Variants in LARP1B observed in about 807,000 individuals in gnomAD.
The protein encoded by LARP1B is La ribonucleoprotein 1B.
LARP1B carries 76 observed loss-of-function variants against 114.2 expected under a neutral mutation model. The ratio of observed to expected loss-of-function variants is 0.67; its 90% CI spans 0.55 to 0.81. The LOEUF (loss-of-function observed/expected upper bound fraction) is 0.81, where lower values mean the gene tolerates loss of function less well. LARP1B is among the 30% of genes least tolerant of loss of function. The pLI is 0.00. For missense variants in LARP1B, 1,014 were observed against 1,075.8 expected (o/e 0.94, Z 0.80); for synonymous variants, 345 against 348.0 (o/e 0.99, Z 0.10).
At chr4:128,196,878 A>C (rs1754336668) in intron 15 of LARP1B, among the ~76,000 whole-genome samples, 2 of 152,214 alleles carry the variant, frequency 1.3e-5, no homozygotes, top group Non-Finnish European at 2.9e-5. Context: ...AAGGAATGAA[A>C]TTTTGATTTA....
intron 17 of LARP1B, among the ~76,000 whole-genome samples, chr4:128,205,209 CA>C (rs1413048313): frequency 2.0e-5 from 3 of 152,204 alleles, no homozygotes; most frequent in Non-Finnish European, 4.4e-5. Flanking sequence ...AAGCTGGTTG[CA>C]AAAGAGACAC....
At chr4:128,155,210 G>C (rs964807370) in intron 11 of LARP1B, among the ~76,000 whole-genome samples, 1 of 152,220 alleles carries the variant, frequency 6.6e-6, no homozygotes, top group African/African-American at 2.4e-5. Context: ...GCATCCAGTT[G>C]TGGTAGACTG....
downstream of LARP1B, among the ~76,000 whole-genome samples, chr4:128,212,303 T>C (rs1759102989): frequency 6.6e-6 from 1 of 152,188 alleles, no homozygotes; most frequent in African/African-American, 2.4e-5. Context: ...CGTAGCTAAC[T>C]GCTGACTGTT....
intron 9 of LARP1B, among the ~76,000 whole-genome samples, chr4:128,109,786 C>T (rs776090738): frequency 5.3e-5 from 8 of 151,626 alleles, no homozygotes; most frequent in Non-Finnish European, 1.2e-4. Flanking sequence ...AATATATAAT[C>T]CTTTTTTCAG....
In LARP1B at chr4:128,114,782, G is replaced by A. The variant is rs753470739; in HGVS notation, c.1161+40G>A. 39 of 1,586,322 alleles carry A rather than the reference G, an allele frequency of 2.5e-5. No homozygotes were observed. The East Asian group carries it at 8.0e-4, about 33-fold the overall frequency. ...ACTGAGTGAAGTGTGACATACCCTG[G>A]GTGGAGTATAAGGTCAGTGCACTTT... On this transcript the variant is annotated intron_variant, in intron 10 of 19. Coordinates refer to ENST00000326639, the MANE Select transcript of LARP1B (RefSeq NM_018078.4).
chr4:128,125,939 A>T (rs1359652037), intron 11 of LARP1B, among the ~76,000 whole-genome samples: 1 of 152,066 alleles, frequency 6.6e-6, no homozygotes, highest in African/African-American at 2.4e-5. Flanking sequence ...AGCATATGAA[A>T]ATAAAGATTT....
intron 15 of LARP1B, among the ~76,000 whole-genome samples, chr4:128,187,605 G>A (rs1236033139): frequency 1.3e-5 from 2 of 152,200 alleles, no homozygotes; most frequent in Non-Finnish European, 2.9e-5. Flanking sequence ...TTGGACTTTT[G>A]AGTTAATGCT....
chr4:128,077,539 T>G (rs1045974377), intron 3 of LARP1B, among the ~76,000 whole-genome samples: 1 of 146,490 alleles, frequency 6.8e-6, no homozygotes, highest in Admixed American at 7.1e-5. Context: ...GTGGTATTGA[T>G]TTGTTGTTAC....
intron 10 of LARP1B, 55 bp downstream of exon 10, chr4:128,114,797 C>G (rs1785228653): frequency 6.7e-7 from 1 of 1,490,628 alleles, no homozygotes; most frequent in Admixed American, 1.8e-5. Flanking sequence ...AGTATAAGGT[C>G]AGTGCACTTT....
intron 9 of LARP1B, among the ~76,000 whole-genome samples, chr4:128,111,474 G>C (rs1580542738): frequency 1.3e-5 from 2 of 152,106 alleles, no homozygotes; most frequent in Middle Eastern, 6.8e-3. Flanking sequence ...TGAGGTGAGA[G>C]GATTGCTTGA....
chr4:128,076,010 C>T (rs1312300859), intron 3 of LARP1B, among the ~76,000 whole-genome samples: 3 of 152,014 alleles, frequency 2.0e-5, no homozygotes, highest in African/African-American at 7.2e-5. Context: ...ACATTTCCCT[C>T]ATCTGGTTAT....
intron 12 of LARP1B, 109 bp from the exon 13 acceptor site, chr4:128,176,763 C>T: frequency 1.0e-6 from 1 of 955,550 alleles, no homozygotes; most frequent in Non-Finnish European, 1.6e-6. Flanking sequence ...TTACTCTTGG[C>T]ATCTATGGGA....
intron 9 of LARP1B, among the ~76,000 whole-genome samples, chr4:128,112,398 C>T (rs1784409912): frequency 6.7e-6 from 1 of 150,292 alleles, no homozygotes; most frequent in South Asian, 2.1e-4. Flanking sequence ...TTACTCTTGT[C>T]CTGAGCATGT....
rs1159514624 is a variant in LARP1B at position 128,074,521 on chromosome 4, A to G, written c.-19+3A>G. 4.4e-6 allele frequency: 4 copies of G among 911,144 alleles called. No homozygotes were observed. Among genetic ancestry groups the G allele is most frequent in the Non-Finnish European group, 5.3e-6 (4 of 761,600 alleles). 56.4% of individuals were successfully genotyped at this position (911,144 alleles called of 1,614,324 possible). ...TCAAGACAAAGAAATCCAACAAGGT[A>G]TGTCTTCATAGGAAATAGTTCTTAA... On this transcript the variant is annotated splice_donor_region_variant and intron_variant, in intron 2 of 19. Transcript: ENST00000326639.
At chr4:128,172,937 A>ATGTG (rs57382183) in intron 12 of LARP1B, among the ~76,000 whole-genome samples, 3,532 of 137,008 alleles carry the variant, frequency 0.026, 86 homozygotes, top group African/African-American at 0.052. Flanking sequence ...ATCCCATCCA[A>ATGTG]TGTGTGTGTG....
intron 11 of LARP1B, among the ~76,000 whole-genome samples, chr4:128,137,791 ATTT>A (rs758032661): frequency 0.13 from 8,113 of 63,468 alleles, 313 homozygotes; most frequent in Middle Eastern, 0.29. Context: ...ATATATATAT[ATTT>A]TTTTTTTAGG....
At chr4:128,154,919 G>A (rs943156919) in intron 11 of LARP1B, among the ~76,000 whole-genome samples, 14 of 151,804 alleles carry the variant, frequency 9.2e-5, no homozygotes, top group African/African-American at 1.5e-4. Flanking sequence ...GACTACAGGC[G>A]CCCACCACCA....
intron 7 of LARP1B, among the ~76,000 whole-genome samples, chr4:128,093,200 T>C (rs1313341922): frequency 6.6e-6 from 1 of 152,214 alleles, no homozygotes; most frequent in Non-Finnish European, 1.5e-5. Flanking sequence ...TTAGTGGAGA[T>C]GTGGCTTTGA....
chr4:128,166,968 C>G (rs75654908), intron 12 of LARP1B, among the ~76,000 whole-genome samples: 1 of 81,038 alleles, frequency 1.2e-5, no homozygotes, highest in African/African-American at 5.2e-5. Flanking sequence ...CTCTCTCTCT[C>G]TCTATATATA....
Sources: allele counts gnomAD v4.1 joint callset (sites outside exome capture counted in the v4.1 genomes callset), GRCh38; gene constraint gnomAD v4.1.1; transcripts MANE v1.5; gene names NCBI Gene and HGNC (gene_info 2026-07-23, HGNC 2026-07-21).